Variants in ZCCHC17 observed in about 807,000 individuals in gnomAD.
The protein encoded by ZCCHC17 is zinc finger CCHC-type containing 17.
Under a neutral mutation model 30.6 loss-of-function variants are expected in ZCCHC17, and 18 were observed. That is an observed-to-expected ratio of 0.59 (90% CI 0.41 to 0.87). The LOEUF (loss-of-function observed/expected upper bound fraction) is 0.87, where lower values mean the gene tolerates loss of function less well. Ranked by LOEUF, ZCCHC17 falls within the 40% of genes least tolerant of loss-of-function variation. The probability of loss-of-function intolerance (pLI) is 0.00; values close to 1 mark genes in which losing one functional copy is unlikely to be tolerated. For synonymous variants in ZCCHC17, 88 were observed against 92.4 expected (o/e 0.95, Z 0.27); for missense variants, 263 against 284.2 (o/e 0.93, Z 0.54).
chr1:31,338,263 G>C (rs1013983747), intron 4 of ZCCHC17, among the ~76,000 whole-genome samples: 2 of 151,680 alleles, frequency 1.3e-5, no homozygotes, highest in African/African-American at 2.4e-5. Context: ...GGAATTACAG[G>C]CATGAATTTC....
At chr1:31,362,010 C>T (rs924090771) in intron 7 of ZCCHC17, among the ~76,000 whole-genome samples, 1 of 152,104 alleles carries the variant, frequency 6.6e-6, no homozygotes, top group African/African-American at 2.4e-5. Flanking sequence ...CAGGGTTTCA[C>T]CATGTTGGCC....
chr1:31,339,095 C>G lies in ZCCHC17; in HGVS notation c.317+47C>G, dbSNP rs371436562. The G allele has an allele frequency of 4.2e-6, 6 of 1,425,920 alleles. No individual in the cohort carries two copies. In the African/African-American group the frequency reaches 8.6e-5, roughly 20 times the overall value. 88.3% of individuals were successfully genotyped at this position (1,425,920 alleles called of 1,614,324 possible). ...GTGAAAATTCTTCTGCCTCCCAAAT[C>G]ATAAAATGGTTTAGTAAATCAGACT... On this transcript the variant is annotated intron_variant, in intron 5 of 7. Coordinates refer to ENST00000344147, the MANE Select transcript of ZCCHC17 (RefSeq NM_016505.4).
In ZCCHC17 at chr1:31,346,797, T is replaced by C. The variant is rs922815597; in HGVS notation, c.418+57T>C. ...CTCTCCTTGTGGATGGACCCTTTTCTGGAAGAAGGAGGCAGCCCAGTGTGA... is the reference window on the plus strand; with the variant it reads ...CTCTCCTTGTGGATGGACCCTTTTCCGGAAGAAGGAGGCAGCCCAGTGTGA... On this transcript the variant is annotated intron_variant, in intron 6 of 7. Transcript: ENST00000344147. The C allele has an allele frequency of 2.5e-6, 4 of 1,609,800 alleles. No homozygotes were observed. The African/African-American group carries it at 5.3e-5, about 22-fold the overall frequency.
intron 3 of ZCCHC17, among the ~76,000 whole-genome samples, chr1:31,321,250 G>A (rs1189790893): frequency 2.6e-5 from 4 of 151,876 alleles, no homozygotes; most frequent in Admixed American, 1.3e-4. Context: ...AAGATCTGAT[G>A]GTTTTATAAG....
intron 7 of ZCCHC17, among the ~76,000 whole-genome samples, chr1:31,361,173 C>A (rs1303699278): frequency 6.6e-6 from 1 of 152,202 alleles, no homozygotes; most frequent in Non-Finnish European, 1.5e-5. Context: ...TCCTCCCAGC[C>A]ATGGTTGTTA....
intron 3 of ZCCHC17, among the ~76,000 whole-genome samples, chr1:31,329,221 A>G (rs942636860): frequency 6.6e-6 from 1 of 152,226 alleles, no homozygotes; most frequent in Admixed American, 6.5e-5. Context: ...GTATTTTTGT[A>G]TTATACTACA....
intron 7 of ZCCHC17, among the ~76,000 whole-genome samples, chr1:31,350,381 A>G (rs957473355): frequency 6.6e-6 from 1 of 151,954 alleles, no homozygotes; most frequent in Non-Finnish European, 1.5e-5. Context: ...TCTCTATACC[A>G]TTACAAGAAT....
chr1:31,364,528 A>G lies in ZCCHC17; in HGVS notation c.*335A>G. 1.3e-5 allele frequency: 4 copies of G among 298,152 alleles called. No homozygotes were observed. The South Asian group carries it at 2.7e-4, about 20-fold the overall frequency. 18.5% of individuals were successfully genotyped at this position (298,152 alleles called of 1,614,324 possible). The stretch of plus-strand genomic sequence containing the variant: ...GAGCTGGATTCCTGTAAAGGAGTCC[A>G]GGCTAGAGCCACAGAGACTGTTGTG... On this transcript the variant is annotated 3_prime_UTR_variant, in exon 8 of 8. Transcript: ENST00000344147.
At chr1:31,309,559 G>A (rs139906202) in intron 1 of ZCCHC17, among the ~76,000 whole-genome samples, 22 of 152,228 alleles carry the variant, frequency 1.4e-4, no homozygotes, top group African/African-American at 5.1e-4. Context: ...GAGATCGTCC[G>A]ACCTCAGCAA....
rs928727222 is a variant in ZCCHC17, at chr1:31,304,323, G to T, written c.-55-5721G>T. Among the ~76,000 whole-genome samples the T allele has an allele frequency of 3.7e-4, 56 of 149,538 alleles. 1 individual carries two copies. The highest frequency in any genetic ancestry group is 1.3e-3 in the African/African-American group (51 of 40,712). Reference sequence around the variant, plus strand: ...AGTCTCTGTTGCCCAGGGTGGAGTTGCCCAGGGTGGAGTGCAGTGGCATGA... The same window carrying T: ...AGTCTCTGTTGCCCAGGGTGGAGTTTCCCAGGGTGGAGTGCAGTGGCATGA... On this transcript the variant is annotated intron_variant, in intron 1 of 7. Coordinates refer to ENST00000344147, the MANE Select transcript of ZCCHC17 (RefSeq NM_016505.4).
At chr1:31,321,063 T>G (rs746795276) in intron 3 of ZCCHC17, among the ~76,000 whole-genome samples, 1 of 152,196 alleles carries the variant, frequency 6.6e-6, no homozygotes, top group Non-Finnish European at 1.5e-5. Flanking sequence ...ATTGGCCATT[T>G]GTATATCTTT....
Position 31,307,357 on chromosome 1 carries a change from T to G in ZCCHC17, c.-55-2687T>G, listed in dbSNP as rs143045990. 9.2e-3 allele frequency among the ~76,000 whole-genome samples: 1,402 copies of G among 152,254 alleles called. 27 individuals are homozygous for G. Among genetic ancestry groups the G allele is most frequent in the African/African-American group, 0.031 (1,272 of 41,536 alleles). On this transcript the variant is annotated intron_variant, in intron 1 of 7. Coordinates refer to ENST00000344147, the MANE Select transcript of ZCCHC17 (RefSeq NM_016505.4). ...GGAGCATTAAACCTAGCTTTTTGTA[T>G]GCTTATCACAGCAGAAGTCTGTAAG...
intron 1 of ZCCHC17, among the ~76,000 whole-genome samples, chr1:31,299,102 G>A (rs1646242287): frequency 6.6e-6 from 1 of 152,188 alleles, no homozygotes; most frequent in Non-Finnish European, 1.5e-5. Context: ...AGCCAGATAT[G>A]AGGCAAGGAT....
intron 3 of ZCCHC17, among the ~76,000 whole-genome samples, chr1:31,326,636 T>C (rs781507021): frequency 9.8e-5 from 15 of 152,296 alleles, no homozygotes; most frequent in Middle Eastern, 6.8e-3. Context: ...CTTCCAGCAG[T>C]CAATCTTCAA....
chr1:31,314,555 T>C (rs1205489971), intron 2 of ZCCHC17, among the ~76,000 whole-genome samples: 1 of 152,184 alleles, frequency 6.6e-6, no homozygotes, highest in Non-Finnish European at 1.5e-5. Flanking sequence ...GGGAGACTCT[T>C]CTCAGAAGTT....
At chr1:31,345,584 T>A (rs1011489809) in intron 5 of ZCCHC17, among the ~76,000 whole-genome samples, 8 of 138,990 alleles carry the variant, frequency 5.8e-5, no homozygotes, top group South Asian at 2.2e-4. Context: ...ATATATATAT[T>A]AGTTCTCACA....
At chr1:31,305,828 GA>G (rs1569740343) in intron 1 of ZCCHC17, among the ~76,000 whole-genome samples, 2 of 151,824 alleles carry the variant, frequency 1.3e-5, no homozygotes, top group African/African-American at 4.8e-5. Flanking sequence ...TACAGAATTT[GA>G]AAAAAAGTTT....
At chr1:31,314,294 AT>A (rs1310644170) in intron 2 of ZCCHC17, among the ~76,000 whole-genome samples, 4 of 152,202 alleles carry the variant, frequency 2.6e-5, no homozygotes, top group Non-Finnish European at 5.9e-5. Flanking sequence ...TCAGTAGCAT[AT>A]TTTGAAAAGG....
intron 7 of ZCCHC17, among the ~76,000 whole-genome samples, chr1:31,355,075 T>A (rs1042433999): frequency 6.6e-6 from 1 of 151,282 alleles, no homozygotes; most frequent in Admixed American, 6.6e-5. Context: ...CTTGGGAGGC[T>A]GAGGCAGGAG....
Sources: gnomAD v4.1 joint callset for allele counts (sites outside exome capture counted in the v4.1 genomes callset) on GRCh38, gnomAD v4.1.1 for gene constraint, MANE v1.5 for transcripts, NCBI Gene and HGNC (gene_info 2026-07-23, HGNC 2026-07-21) for gene names.